The following ZNF622 variants were observed in gnomAD, a reference collection of about 807,000 sequenced individuals.
ZNF622 encodes the protein cytoplasmic 60S subunit biogenesis factor ZNF622.
ZNF622 carries 34 observed loss-of-function variants against 49.7 expected under a neutral mutation model. The ratio of observed to expected loss-of-function variants is 0.68; its 90% CI spans 0.52 to 0.91. The LOEUF (loss-of-function observed/expected upper bound fraction) is 0.91. ZNF622 is among the 40% of genes least tolerant of loss of function. The pLI, the probability that ZNF622 is intolerant of heterozygous loss-of-function variation, is 0.00. For synonymous variants in ZNF622, 209 were observed against 228.7 expected (o/e 0.91, Z 0.78); for missense variants, 569 against 616.4 (o/e 0.92, Z 0.81).
At position 16,463,234 on chromosome 5, in the gene ZNF622, C is replaced by T. The variant is rs770929762; in HGVS notation, c.923G>A (p.Cys308Tyr). ...KVGVGKICLW[C>Y]NEKGKSFYST... ...GTAGAAGGACTTCCCTTTCTCGTTG[C>T]ACCACAAGCAAATCTTGCCAACACC... Residue 308 changes from cysteine to tyrosine, a missense_variant, in exon 3 of 6, where the codon TGC (cysteine) becomes TAC (tyrosine). Cys to Tyr is a radical substitution (Grantham distance 194). Coordinates refer to ENST00000308683, the MANE Select transcript of ZNF622 (RefSeq NM_033414.3). This position sits in a 1 kb window ranked among gnomAD's most constrained non-coding sequence, Gnocchi z 4.2. The T allele has an allele frequency of 2.5e-6, 4 of 1,608,208 alleles. No individual in the cohort carries two copies. The highest frequency in any genetic ancestry group is 3.4e-6 in the Non-Finnish European group (4 of 1,178,806).
In ZNF622 at chr5:16,463,498, T is replaced by C. The variant is rs139742720; in HGVS notation, c.870A>G (p.Gly290=). The C allele has an allele frequency of 2.7e-4, 442 of 1,612,580 alleles. No homozygotes were observed. The highest frequency in any genetic ancestry group is 3.6e-4 in the Non-Finnish European group (424 of 1,178,784). Residue 290 remains glycine (G), a synonymous_variant, in exon 2 of 6, where the codon GGA becomes GGG. Coordinates refer to ENST00000308683, the MANE Select transcript of ZNF622 (RefSeq NM_033414.3). The surrounding 1 kb of genome is among the most constrained non-coding windows in gnomAD (Gnocchi z 4.2). The part of the protein sequence containing the change: ...PDIEYLSDIK[G]LIKYLGEKVG... ...TGTACTTACCCAAGTATTTAATCAG[T>C]CCCTTAATATCTGAAAGATATTCTA... is the stretch of plus-strand genomic sequence containing the variant.
At position 16,465,018 on chromosome 5, in the gene ZNF622, C is replaced by T. The variant is rs762342501; in HGVS notation, c.625+23G>A. On this transcript the variant is annotated intron_variant, in intron 1 of 5. Coordinates refer to ENST00000308683, the MANE Select transcript of ZNF622 (RefSeq NM_033414.3). This position sits in a 1 kb window ranked among gnomAD's most constrained non-coding sequence, Gnocchi z 6.2. ...GGTGGGCCAAGTTCCTCTTTACCCTCCCCGCCCAGACAGGGCCATCACCGT... is the reference window on the plus strand; with the variant it reads ...GGTGGGCCAAGTTCCTCTTTACCCTTCCCGCCCAGACAGGGCCATCACCGT... The T allele has an allele frequency of 1.3e-6, 2 of 1,545,720 alleles. No homozygotes were observed. Among genetic ancestry groups the T allele is most frequent in the Non-Finnish European group, 1.7e-6 (2 of 1,147,456 alleles).
chr5:16,451,856 C>A, intron 5 of ZNF622, 72 bp from the exon 6 acceptor site: 2 of 1,545,286 alleles, frequency 1.3e-6, no homozygotes, highest in South Asian at 1.3e-5. Flanking sequence ...CCAACCTTGG[C>A]AGAGAATTCA....
intron 4 of ZNF622, among the ~76,000 whole-genome samples, chr5:16,458,081 A>T (rs908183701): frequency 1.3e-5 from 2 of 152,064 alleles, no homozygotes; most frequent in Admixed American, 1.3e-4. Context: ...TGGTGGCTAA[A>T]TTTCCACCAT....
At chr5:16,459,363 T>C (rs1738087177) in intron 3 of ZNF622, among the ~76,000 whole-genome samples, 1 of 152,208 alleles carries the variant, frequency 6.6e-6, no homozygotes, top group Non-Finnish European at 1.5e-5. Context: ...AAAAAGCCTC[T>C]TGATTGCAGT....
intron 4 of ZNF622, among the ~76,000 whole-genome samples, chr5:16,454,212 G>A (rs1737983714): frequency 6.6e-6 from 1 of 152,098 alleles, no homozygotes; most frequent in Non-Finnish European, 1.5e-5. Flanking sequence ...ACAGGGCCGG[G>A]TGCGGTGGCT....
At chr5:16,455,684 G>A (rs141635370) in intron 4 of ZNF622, among the ~76,000 whole-genome samples, 1 of 152,182 alleles carries the variant, frequency 6.6e-6, no homozygotes, top group East Asian at 1.9e-4. Context: ...GACGCTCCAG[G>A]TTTGCAAGGT....
In ZNF622 at chr5:16,451,580, T is replaced by C; in HGVS notation, c.*77A>G. ...GAAGTAGCAGCAAAAGGGTCTCTCC[T>C]ATGATCTGTCTTTCACTGGTCCTCA... On this transcript the variant is annotated 3_prime_UTR_variant, in exon 6 of 6. Coordinates refer to ENST00000308683, the MANE Select transcript of ZNF622 (RefSeq NM_033414.3). 2 of 1,558,454 alleles carry C rather than the reference T, an allele frequency of 1.3e-6. No homozygotes were observed. The highest frequency in any genetic ancestry group is 2.5e-5 in the South Asian group (2 of 80,676).
chr5:16,464,708 C>T (rs910417653), intron 1 of ZNF622, among the ~76,000 whole-genome samples: 9 of 152,206 alleles, frequency 5.9e-5, no homozygotes, highest in Admixed American at 5.2e-4. Context: ...GCAAATTACA[C>T]GGCAGCTGGT....
Position 16,463,834 on chromosome 5 carries a change from T to A in ZNF622, c.626-92A>T. The A allele has an allele frequency of 7.2e-7, 1 of 1,393,402 alleles. No individual in the cohort carries two copies. Among genetic ancestry groups the A allele is most frequent in the Non-Finnish European group, 9.8e-7 (1 of 1,023,942 alleles). The allele number at this position is 1,393,402 out of a possible 1,614,324, so 86.3% of individuals were successfully genotyped here. A position where few individuals can be genotyped will look rare whatever the true frequency, so the allele number is the denominator to read the frequency against. ...TTCACGAGGTGATACAGTCCTATAT[T>A]TGGAGAAACAGCCACACCCCAACTC... is the stretch of plus-strand genomic sequence containing the variant. On this transcript the variant is annotated intron_variant, in intron 1 of 5. Coordinates refer to ENST00000308683, the MANE Select transcript of ZNF622 (RefSeq NM_033414.3). The surrounding 1 kb of genome is among the most constrained non-coding windows in gnomAD (Gnocchi z 4.2).
chr5:16,451,819 G>A, intron 5 of ZNF622, 35 bp from the exon 6 acceptor site: 1 of 1,599,260 alleles, frequency 6.3e-7, no homozygotes, highest in Non-Finnish European at 8.5e-7. Context: ...ATTAGGCAAA[G>A]TTCTGTTATT....
At chr5:16,451,848 A>T in intron 5 of ZNF622, 64 bp from the exon 6 acceptor site, 1 of 1,562,002 alleles carries the variant, frequency 6.4e-7, no homozygotes, top group Non-Finnish European at 8.6e-7. Context: ...GAGAAAATCC[A>T]ACCTTGGCAG....
At chr5:16,455,032 G>C (rs1013833441) in intron 4 of ZNF622, among the ~76,000 whole-genome samples, 1 of 152,156 alleles carries the variant, frequency 6.6e-6, no homozygotes, top group Non-Finnish European at 1.5e-5. Flanking sequence ...CCTTTCACAA[G>C]AATATTAATT....
At chr5:16,458,480 T>G in intron 4 of ZNF622, 37 bp downstream of exon 4, 1 of 1,396,392 alleles carries the variant, frequency 7.2e-7, no homozygotes, top group Non-Finnish European at 1.0e-6. Context: ...TCAATCCCAC[T>G]GGCATTAAGC....
Position 16,463,792 on chromosome 5 carries a change from C to A in ZNF622, c.626-50G>T. Reference sequence around the variant, plus strand: ...AAAGTTTAAGAAAAGTAGTAGCAAGCAAAGATATCACAAAAATTCACGAGG... The same window carrying A: ...AAAGTTTAAGAAAAGTAGTAGCAAGAAAAGATATCACAAAAATTCACGAGG... On this transcript the variant is annotated intron_variant, in intron 1 of 5. Coordinates refer to ENST00000308683, the MANE Select transcript of ZNF622 (RefSeq NM_033414.3). The surrounding 1 kb of genome is among the most constrained non-coding windows in gnomAD (Gnocchi z 4.2). 1.3e-6 allele frequency: 2 copies of A among 1,581,432 alleles called. No individual in the cohort carries two copies. Among genetic ancestry groups the A allele is most frequent in the Non-Finnish European group, 1.7e-6 (2 of 1,162,030 alleles).
chr5:16,458,402 C>T, intron 4 of ZNF622, 115 bp downstream of exon 4: 1 of 738,456 alleles, frequency 1.4e-6, no homozygotes, highest in East Asian at 2.7e-5. Context: ...AGAACCCAAA[C>T]ATATACTTTA....
At position 16,465,705 on chromosome 5, in the gene ZNF622, G is replaced by A; in HGVS notation, c.-40C>T. Reference sequence around the variant, plus strand: ...TAAGAACCGACCAAGCCAAACACCTGGTGATCAGCGCCGTGGCCCCACAAG... The same window carrying A: ...TAAGAACCGACCAAGCCAAACACCTAGTGATCAGCGCCGTGGCCCCACAAG... On this transcript the variant is annotated 5_prime_UTR_variant, in exon 1 of 6. Transcript: ENST00000308683. The surrounding 1 kb of genome is among the most constrained non-coding windows in gnomAD (Gnocchi z 6.2). 6.5e-7 allele frequency: 1 copy of A among 1,529,644 alleles called. No homozygotes were observed. Among genetic ancestry groups the A allele is most frequent in the Non-Finnish European group, 8.8e-7 (1 of 1,140,546 alleles). The allele number at this position is 1,529,644 out of a possible 1,614,324, so 94.8% of individuals were successfully genotyped here. A position where few individuals can be genotyped will look rare whatever the true frequency, so the allele number is the denominator to read the frequency against.
Position 16,453,089 on chromosome 5 carries a change from C to G in ZNF622, c.1230G>C (p.Val410=). The change falls in exon 5 of 6, where the codon GTG becomes GTC. Residue 410 remains valine (V), a synonymous_variant. Coordinates refer to ENST00000308683, the MANE Select transcript of ZNF622 (RefSeq NM_033414.3). The part of the protein sequence containing the change: ...YKQRFGLSRA[V]AVAKNRKAVG... The stretch of plus-strand genomic sequence containing the variant: ...CGGCCTTCCGATTTTTGGCAACTGC[C>G]ACAGCTCTTGACAAGCCAAATCGCT... The G allele has an allele frequency of 6.3e-7, 1 of 1,589,882 alleles. No homozygotes were observed. Among genetic ancestry groups the G allele is most frequent in the African/African-American group, 1.3e-5 (1 of 74,450 alleles).
Position 16,465,363 on chromosome 5 carries a change from T to A in ZNF622, c.303A>T (p.Ala101=). 6.2e-7 allele frequency: 1 copy of A among 1,614,282 alleles called. No homozygotes were observed. Among genetic ancestry groups the A allele is most frequent in the Non-Finnish European group, 8.5e-7 (1 of 1,180,048 alleles). Residue 101 remains alanine (A), a synonymous_variant, in exon 1 of 6, where the codon GCA becomes GCT. Transcript: ENST00000308683. This position sits in a 1 kb window ranked among gnomAD's most constrained non-coding sequence, Gnocchi z 6.2. ...HVELEKKAVQ[A]VNRKVEMMNE... ...TCATCATCTCCACTTTCCGATTCAC[T>A]GCCTGCACGGCCTTCTTCTCCAGCT...
Sources: allele counts gnomAD v4.1 joint callset (sites outside exome capture counted in the v4.1 genomes callset), GRCh38; gene constraint gnomAD v4.1.1; non-coding constraint Gnocchi (gnomAD v3.1); transcripts MANE v1.5; gene names NCBI Gene and HGNC (gene_info 2026-07-23, HGNC 2026-07-21).